The following ADGRB3 variants were observed in gnomAD, a reference collection of about 807,000 sequenced individuals.
ADGRB3 encodes adhesion G protein-coupled receptor B3, also known as brain-specific angiogenesis inhibitor 3.
In ADGRB3, 37 loss-of-function variants were observed where a neutral mutation model predicts 193.4. The ratio of observed to expected loss-of-function variants is 0.19; its 90% CI spans 0.15 to 0.25. The LOEUF is 0.25. Ranked by LOEUF, ADGRB3 falls within the 10% of genes least tolerant of loss-of-function variation. ADGRB3 has a pLI of 1.00. For synonymous variants in ADGRB3, 690 were observed against 644.2 expected, an observed-to-expected ratio of 1.07 and a Z score of -1.08; for missense variants, 1,637 against 1,852.9, an observed-to-expected ratio of 0.88 and a Z score of 2.14.
At chr6:69,118,268 G>A (rs2150328469) in intron 17 of ADGRB3, among the ~76,000 whole-genome samples, 1 of 152,226 alleles carries the variant, frequency 6.6e-6, no homozygotes, top group Admixed American at 6.5e-5. Context: ...ATGCATTGAT[G>A]ATTGAGTACC....
intron 17 of ADGRB3, among the ~76,000 whole-genome samples, chr6:69,140,221 T>C (rs1774290500): frequency 6.6e-6 from 1 of 152,236 alleles, no homozygotes; most frequent in Non-Finnish European, 1.5e-5. Flanking sequence ...TAATAACTGA[T>C]ATATAAGGTT....
At chr6:68,791,427 C>A (rs575267834) in intron 3 of ADGRB3, among the ~76,000 whole-genome samples, 7 of 151,986 alleles carry the variant, frequency 4.6e-5, no homozygotes, top group Admixed American at 1.3e-4. Flanking sequence ...ATTAGTGGAA[C>A]GTTTCTTTTA....
intron 17 of ADGRB3, among the ~76,000 whole-genome samples, chr6:69,217,213 G>C (rs969706369): frequency 6.6e-6 from 1 of 152,078 alleles, no homozygotes; most frequent in African/African-American, 2.4e-5. Context: ...AGAAAATGTG[G>C]TCCTTTTTAA....
chr6:68,960,332 A>G (rs943882050), intron 8 of ADGRB3, among the ~76,000 whole-genome samples: 2 of 152,208 alleles, frequency 1.3e-5, no homozygotes, highest in Non-Finnish European at 2.9e-5. Context: ...ATAAATGTAT[A>G]CAATATTAGC....
chr6:68,823,197 A>T (rs1026466128), intron 3 of ADGRB3, among the ~76,000 whole-genome samples: 9 of 152,028 alleles, frequency 5.9e-5, no homozygotes, highest in African/African-American at 1.9e-4. Flanking sequence ...TATTTAAAAA[A>T]TTGGGCATAG....
intron 20 of ADGRB3, among the ~76,000 whole-genome samples, chr6:69,270,436 G>T (rs539307960): frequency 6.6e-6 from 1 of 152,196 alleles, no homozygotes; most frequent in South Asian, 2.1e-4. Context: ...TGATTAAAAT[G>T]AAATTATAAA....
intron 3 of ADGRB3, among the ~76,000 whole-genome samples, chr6:68,880,578 T>C (rs978921968): frequency 6.6e-6 from 1 of 152,192 alleles, no homozygotes; most frequent in Non-Finnish European, 1.5e-5. Context: ...CTCCTGAAGC[T>C]AATTCATACT....
At chr6:69,086,006 C>T (rs1358005768) in intron 17 of ADGRB3, among the ~76,000 whole-genome samples, 1 of 151,708 alleles carries the variant, frequency 6.6e-6, no homozygotes, top group African/African-American at 2.4e-5. Context: ...AAGAAACCTT[C>T]TGTTTAATGA....
intron 11 of ADGRB3, among the ~76,000 whole-genome samples, chr6:69,012,479 A>G (rs1443931515): frequency 2.6e-5 from 4 of 152,056 alleles, no homozygotes; most frequent in African/African-American, 9.7e-5. Flanking sequence ...CTTTCTGACC[A>G]TAGGTAGAGT....
intron 1 of ADGRB3, among the ~76,000 whole-genome samples, 160 bp from the exon 2 acceptor site, chr6:68,637,231 A>C (rs1303469279): frequency 1.3e-5 from 2 of 152,198 alleles, no homozygotes; most frequent in Non-Finnish European, 2.9e-5. Context: ...ATGCAGATCT[A>C]TCTTCAGGGA....
At chr6:69,226,176 A>C (rs752838930) in intron 17 of ADGRB3, among the ~76,000 whole-genome samples, 6 of 152,210 alleles carry the variant, frequency 3.9e-5, no homozygotes, top group Non-Finnish European at 8.8e-5. Flanking sequence ...AAGCAGTGAC[A>C]CTACACCTGT....
chr6:69,163,223 C>G (rs2083286434), intron 17 of ADGRB3, among the ~76,000 whole-genome samples: 1 of 152,182 alleles, frequency 6.6e-6, no homozygotes, highest in East Asian at 1.9e-4. Flanking sequence ...TCATCCATTC[C>G]CCAGACAGAA....
At chr6:68,873,297 T>G (rs147133299) in intron 3 of ADGRB3, among the ~76,000 whole-genome samples, 3 of 152,130 alleles carry the variant, frequency 2.0e-5, no homozygotes, top group Non-Finnish European at 1.5e-5. Flanking sequence ...ATGACACTCA[T>G]TTCTAAATAG....
intron 20 of ADGRB3, among the ~76,000 whole-genome samples, chr6:69,316,572 GC>G (rs1483209002): frequency 6.6e-6 from 1 of 151,426 alleles, no homozygotes; most frequent in Non-Finnish European, 1.5e-5. Flanking sequence ...ATCTAGGAAA[GC>G]CTTTCACAAC....
At chr6:69,367,926 A>G (rs566787672) in intron 29 of ADGRB3, among the ~76,000 whole-genome samples, 46 of 145,250 alleles carry the variant, frequency 3.2e-4, no homozygotes, top group Non-Finnish European at 6.4e-4. Flanking sequence ...ATTCTCACTC[A>G]TAGGTAGGAA....
chr6:69,302,440 A>G (rs1291815263), intron 20 of ADGRB3, among the ~76,000 whole-genome samples: 1 of 151,934 alleles, frequency 6.6e-6, no homozygotes, highest in African/African-American at 2.4e-5. Context: ...GTACCTTGCC[A>G]GTAAGGGATT....
At chr6:69,240,872 A>C (rs910121635) in intron 20 of ADGRB3, among the ~76,000 whole-genome samples, 2 of 151,922 alleles carry the variant, frequency 1.3e-5, no homozygotes, top group Non-Finnish European at 2.9e-5. Flanking sequence ...ACCCAGAAAA[A>C]GAGAGCTTTC....
At chr6:69,292,844 C>T (rs1005188133) in intron 20 of ADGRB3, among the ~76,000 whole-genome samples, 2 of 152,082 alleles carry the variant, frequency 1.3e-5, no homozygotes, top group African/African-American at 2.4e-5. Context: ...GCATGAGGTA[C>T]ATCTCCCAAT....
In ADGRB3 at chr6:68,817,319, A is replaced by G. The variant is rs1297774590; in HGVS notation, c.758-113240A>G. Among the ~76,000 whole-genome samples the G allele has an allele frequency of 7.1e-4, 44 of 61,698 alleles. 1 individual carries two copies. Among genetic ancestry groups the G allele is most frequent in the Admixed American group, 2.5e-3 (19 of 7,454 alleles). 40.5% of individuals were successfully genotyped at this position (61,698 alleles called of 152,430 possible). On this transcript the variant is annotated intron_variant, in intron 3 of 31. Transcript: ENST00000370598. ...CCCTTTTGTCCATGTATATATATAT[A>G]TATATATATATATATATATATATAT...
Sources: gnomAD v4.1 joint callset for allele counts (sites outside exome capture counted in the v4.1 genomes callset) on GRCh38, gnomAD v4.1.1 for gene constraint, MANE v1.5 for transcripts, NCBI Gene and HGNC (gene_info 2026-07-23, HGNC 2026-07-21) for gene names.